DAB2: variants seen among roughly 807,000 people sequenced by gnomAD.
DAB2 encodes the protein disabled homolog 2.
In DAB2, 28 loss-of-function variants were observed where a neutral mutation model predicts 71.6. The observed-to-expected ratio is 0.39, with a 90% CI of 0.29 to 0.54. The LOEUF is 0.54. Among genes scored for constraint, DAB2 ranks in the 20% least tolerant of loss-of-function variants. DAB2 has a pLI of 0.68. For synonymous variants in DAB2, 345 were observed against 339.7 expected (o/e 1.02, Z -0.17); for missense variants, 867 against 928.8 (o/e 0.93, Z 0.86).
Position 39,372,427 on chromosome 5 carries a change from C to T in DAB2, c.*1004G>A, listed in dbSNP as rs1754720680. 1 of 152,164 alleles carries T rather than the reference C, an allele frequency of 6.6e-6. No individual in the cohort carries two copies. The allele number at this position is 152,164 out of a possible 1,614,324, so 9.4% of individuals were successfully genotyped here. On this transcript the variant is annotated 3_prime_UTR_variant, in exon 15 of 15. Coordinates refer to ENST00000320816, the MANE Select transcript of DAB2 (RefSeq NM_001343.4). ...TCACATTTAGCTTTGTGATATGTTG[C>T]TCTTCAAAATAGAGTCCTTTGTTGC...
At chr5:39,388,065 C>T (rs116005581) in intron 9 of DAB2, 5,612 of 435,614 alleles carry the variant, frequency 0.013, 60 homozygotes, top group Non-Finnish European at 0.017. Flanking sequence ...AGAAGGACTA[C>T]ATTGCTGACT....
chr5:39,392,247 A>G, intron 4 of DAB2, 118 bp downstream of exon 4: 2 of 740,420 alleles, frequency 2.7e-6, no homozygotes, highest in South Asian at 3.0e-5. Flanking sequence ...GATGTAATAT[A>G]TGATATATTT....
intron 14 of DAB2, 150 bp from the exon 15 acceptor site, chr5:39,373,575 T>A (rs987116491): frequency 2.6e-5 from 4 of 152,200 alleles, no homozygotes; most frequent in African/African-American, 9.6e-5. Context: ...ATGTAGAGCA[T>A]CTAATAAAAT....
chr5:39,390,240 C>T, intron 5 of DAB2, among the ~76,000 whole-genome samples: 1 of 152,234 alleles, frequency 6.6e-6, no homozygotes, highest in East Asian at 1.9e-4. Context: ...GGTCCATTCT[C>T]ACAATCCTGT....
At chr5:39,400,838 C>T (rs1278755285) in intron 1 of DAB2, among the ~76,000 whole-genome samples, 1 of 152,068 alleles carries the variant, frequency 6.6e-6, no homozygotes, top group African/African-American at 2.4e-5. Context: ...TTTAGAATGT[C>T]CAGTACTTTG....
chr5:39,375,994 T>A lies in DAB2; in HGVS notation c.2247+3A>T. On this transcript the variant is annotated splice_donor_region_variant and intron_variant, in intron 13 of 14. Coordinates refer to ENST00000320816, the MANE Select transcript of DAB2 (RefSeq NM_001343.4). ...AGAAGAGCTTCTAGTAGTTCATACT[T>A]ACAGAGGCTTGTGATGAACCAAAAG... The A allele has an allele frequency of 6.2e-7, 1 of 1,610,114 alleles. No homozygotes were observed. Among genetic ancestry groups the A allele is most frequent in the Non-Finnish European group, 8.5e-7 (1 of 1,176,368 alleles).
intron 14 of DAB2, 174 bp downstream of exon 14, chr5:39,374,840 G>A: frequency 1.7e-6 from 1 of 590,154 alleles, no homozygotes; most frequent in Non-Finnish European, 3.0e-6. Context: ...CTATTCTTAA[G>A]TGCCCAGCCT....
At chr5:39,391,832 G>T (rs973356112) in intron 4 of DAB2, among the ~76,000 whole-genome samples, 9 of 151,786 alleles carry the variant, frequency 5.9e-5, no homozygotes, top group Admixed American at 3.9e-4. Context: ...AGGGAAAAAA[G>T]AAATGAAAAA....
chr5:39,401,727 T>C (rs1340783978), intron 1 of DAB2, among the ~76,000 whole-genome samples: 2 of 145,514 alleles, frequency 1.4e-5, no homozygotes, highest in African/African-American at 5.1e-5. Context: ...TACCTGAGAC[T>C]GGGTTATTTA....
At chr5:39,387,749 T>C (rs1445429668) in intron 9 of DAB2, 2 of 151,942 alleles carry the variant, frequency 1.3e-5, no homozygotes, top group Non-Finnish European at 2.9e-5. Flanking sequence ...AGGAAAATAC[T>C]GTTCTGTTCT....
intron 10 of DAB2, 25 bp downstream of exon 10, chr5:39,382,593 T>C (rs748310756): frequency 5.0e-6 from 8 of 1,599,698 alleles, no homozygotes; most frequent in Non-Finnish European, 6.0e-6. Context: ...ACTCTGCTAA[T>C]GGATATGTGG....
chr5:39,407,110 C>A (rs73080520), intron 1 of DAB2, among the ~76,000 whole-genome samples: 9 of 152,220 alleles, frequency 5.9e-5, no homozygotes, highest in African/African-American at 1.9e-4. Flanking sequence ...CATATACTGA[C>A]CCAAACTGAC....
At chr5:39,388,968 T>C in intron 7 of DAB2, 116 bp from the exon 8 acceptor site, 1 of 1,297,208 alleles carries the variant, frequency 7.7e-7, no homozygotes, top group South Asian at 1.2e-5. Flanking sequence ...TAACTAAACA[T>C]CTTTCATGAT....
intron 1 of DAB2, among the ~76,000 whole-genome samples, chr5:39,421,159 G>T (rs1032699597): frequency 6.6e-6 from 1 of 152,180 alleles, no homozygotes; most frequent in African/African-American, 2.4e-5. Flanking sequence ...GTCTGTTCTA[G>T]CATGAGCACA....
Position 39,381,520 on chromosome 5 carries a change from G to T in DAB2, c.1438C>A (p.Gln480Lys), listed in dbSNP as rs1433675754. 2 of 1,614,156 alleles carry T rather than the reference G, an allele frequency of 1.2e-6. No individual in the cohort carries two copies. Among genetic ancestry groups the T allele is most frequent in the Non-Finnish European group, 1.7e-6 (2 of 1,179,996 alleles). The change falls in exon 11 of 15, where the codon CAG becomes AAG. Residue 480 changes from glutamine (Q) to lysine (K), a missense_variant. Physicochemically the swap from Gln to Lys is moderately conservative, Grantham distance 53 (BLOSUM62 1). Around this residue, in one of 2 missense-constraint regions of DAB2, gnomAD observed 740 missense variants for 734.3 expected, o/e 1.01. Transcript: ENST00000320816. ...TTGAAGAGATCCAGAGGGTTGGGCT[G>T]CAGGGCTGTAGGTTGTCCTGTGGGT... ...ASPTGQPTAL[Q>K]PNPLDLFKTS... is the part of the protein sequence containing the mutation.
intron 1 of DAB2, among the ~76,000 whole-genome samples, chr5:39,403,041 C>G (rs1370106350): frequency 3.9e-5 from 6 of 152,090 alleles, no homozygotes; most frequent in African/African-American, 1.4e-4. Flanking sequence ...GCATAGAGAC[C>G]CAGGTATCAA....
chr5:39,376,330 T>A (rs937364105), intron 12 of DAB2, among the ~76,000 whole-genome samples: 1 of 152,180 alleles, frequency 6.6e-6, no homozygotes, highest in Non-Finnish European at 1.5e-5. Flanking sequence ...ATCCCCTCAT[T>A]TTAAGCTGAT....
rs1156556723 is a variant in DAB2 at position 39,376,879 on chromosome 5, G to C, written c.1908C>G (p.Ala636=). ...CCCCAAGTGGGTCTAAGGCAGTGAA[G>C]GCATCACTGGAGATGTCCTTGGGAG... ...AGPPKDISSD[A]FTALDPLGDK... The change falls in exon 12 of 15, where the codon GCC becomes GCG. Residue 636 remains alanine, a synonymous_variant. Transcript: ENST00000320816. 6 of 1,614,040 alleles carry C rather than the reference G, an allele frequency of 3.7e-6. No individual in the cohort carries two copies. The highest frequency in any genetic ancestry group is 1.3e-5 in the African/African-American group (1 of 74,934).
At chr5:39,379,448 A>AAC (rs1754906315) in intron 11 of DAB2, among the ~76,000 whole-genome samples, 2 of 150,576 alleles carry the variant, frequency 1.3e-5, no homozygotes, top group East Asian at 3.9e-4. Flanking sequence ...TGTCTCAAAA[A>AAC]AAAAAAAAAA....
Sources: gnomAD v4.1 joint callset for allele counts (sites outside exome capture counted in the v4.1 genomes callset) on GRCh38, gnomAD v4.1.1 for gene constraint, gnomAD v4.1.1 regional missense constraint, MANE v1.5 for transcripts, NCBI Gene and HGNC (gene_info 2026-07-23, HGNC 2026-07-21) for gene names.